The following SNTG1 variants were observed in gnomAD, a reference collection of about 807,000 sequenced individuals.
SNTG1 encodes the protein syntrophin gamma 1, also known as gamma-1-syntrophin.
Under a neutral mutation model 74.7 loss-of-function variants are expected in SNTG1, and 39 were observed. The ratio of observed to expected loss-of-function variants is 0.52; its 90% CI spans 0.40 to 0.68. The LOEUF is 0.68. Ranked by LOEUF, SNTG1 falls within the 30% of genes least tolerant of loss-of-function variation. The pLI is 0.00. For missense variants in SNTG1, 685 were observed against 609.5 expected, an observed-to-expected ratio of 1.12 and a Z score of -1.30; for synonymous variants, 254 against 217.1, an observed-to-expected ratio of 1.17 and a Z score of -1.49.
At chr8:50,042,886 G>A (rs1277596303) in intron 1 of SNTG1, among the ~76,000 whole-genome samples, 1 of 152,130 alleles carries the variant, frequency 6.6e-6, no homozygotes, top group Non-Finnish European at 1.5e-5. Flanking sequence ...CATGAGCTAT[G>A]GCTCGTTGCC....
intron 2 of SNTG1, among the ~76,000 whole-genome samples, chr8:50,254,151 T>C (rs2086772129): frequency 6.6e-6 from 1 of 152,172 alleles, no homozygotes; most frequent in South Asian, 2.1e-4. Context: ...AAATATTACA[T>C]TGTATGCCAT....
At chr8:50,381,543 C>G (rs1403450797) in intron 2 of SNTG1, among the ~76,000 whole-genome samples, 4 of 135,502 alleles carry the variant, frequency 3.0e-5, no homozygotes, top group African/African-American at 5.5e-5. Context: ...TCTAGAGGGA[C>G]AGAACTAATA....
chr8:49,995,492 C>G (rs1486256), intron 1 of SNTG1, among the ~76,000 whole-genome samples: 81,244 of 152,022 alleles, frequency 0.53, 24,574 homozygotes, highest in East Asian at 0.82. Flanking sequence ...CTGGCATCCA[C>G]AAGACAATGG....
At chr8:50,722,819 T>C (rs2095491023) in intron 17 of SNTG1, among the ~76,000 whole-genome samples, 1 of 152,162 alleles carries the variant, frequency 6.6e-6, no homozygotes, top group Admixed American at 6.6e-5. Flanking sequence ...TATTTTAAAA[T>C]TCAAGAAAAA....
chr8:50,303,484 G>T (rs1056364986), intron 2 of SNTG1, among the ~76,000 whole-genome samples: 1 of 151,720 alleles, frequency 6.6e-6, no homozygotes, highest in Admixed American at 6.6e-5. Flanking sequence ...TAAAACTTAT[G>T]ATTAGGCCTC....
intron 2 of SNTG1, among the ~76,000 whole-genome samples, chr8:50,209,788 C>A (rs1175260479): frequency 6.6e-6 from 1 of 152,166 alleles, no homozygotes; most frequent in African/African-American, 2.4e-5. Context: ...AGCAGAGAAG[C>A]TGAAATTCTA....
At chr8:50,433,688 T>A (rs2131541012) in intron 4 of SNTG1, among the ~76,000 whole-genome samples, 1 of 152,314 alleles carries the variant, frequency 6.6e-6, no homozygotes, top group Non-Finnish European at 1.5e-5. Context: ...CTTAGAATAA[T>A]GTTTGAATGA....
At chr8:50,298,545 G>A (rs1161536668) in intron 2 of SNTG1, among the ~76,000 whole-genome samples, 1 of 152,112 alleles carries the variant, frequency 6.6e-6, no homozygotes, top group Non-Finnish European at 1.5e-5. Flanking sequence ...GAAGGCAAGG[G>A]GCTGATGCAC....
In SNTG1 at chr8:50,415,768, A is replaced by T. The variant is rs1024423013; in HGVS notation, c.162+13424A>T. On this transcript the variant is annotated intron_variant, in intron 4 of 18. Transcript: ENST00000642720. ...GAAACGGTAAGATAGCCACCTTTTT[A>T]AAAAAATTAATAATAAATTTATAAG... is the stretch of plus-strand genomic sequence containing the variant. 7.9e-5 allele frequency among the ~76,000 whole-genome samples: 12 copies of T among 152,258 alleles called. 1 individual carries two copies. The South Asian group carries it at 8.3e-4, about 11-fold the overall frequency.
chr8:49,929,406 G>C (rs1426012481), intron 1 of SNTG1, among the ~76,000 whole-genome samples: 1 of 152,238 alleles, frequency 6.6e-6, no homozygotes, highest in Non-Finnish European at 1.5e-5. Flanking sequence ...TGTAGAGCTT[G>C]TGCAGGCCAT....
At chr8:50,483,212 T>G (rs2093755472) in intron 8 of SNTG1, among the ~76,000 whole-genome samples, 2 of 152,342 alleles carry the variant, frequency 1.3e-5, no homozygotes, top group South Asian at 4.1e-4. Flanking sequence ...TCTTAGTGAT[T>G]TTTATAGTTA....
chr8:50,330,751 C>T (rs988428654), intron 2 of SNTG1, among the ~76,000 whole-genome samples: 12 of 152,138 alleles, frequency 7.9e-5, no homozygotes, highest in Non-Finnish European at 8.8e-5. Context: ...GGGAAGGGGG[C>T]ACAGTAAACT....
At chr8:50,388,999 A>G (rs759406277) in intron 2 of SNTG1, among the ~76,000 whole-genome samples, 2 of 152,098 alleles carry the variant, frequency 1.3e-5, no homozygotes, top group Admixed American at 6.5e-5. Flanking sequence ...TGTGGGTCAT[A>G]TAAGAAGTTT....
At chr8:50,786,325 G>T (rs1371659627) in intron 18 of SNTG1, among the ~76,000 whole-genome samples, 1 of 151,876 alleles carries the variant, frequency 6.6e-6, no homozygotes, top group Non-Finnish European at 1.5e-5. Flanking sequence ...TGCAAATATT[G>T]TGTACTGAAA....
At chr8:50,258,625 G>C (rs2086997655) in intron 2 of SNTG1, among the ~76,000 whole-genome samples, 1 of 152,066 alleles carries the variant, frequency 6.6e-6, no homozygotes. Context: ...AGAGTTGAAA[G>C]TAGAATAATT....
chr8:50,522,692 C>T (rs572767990), intron 9 of SNTG1, among the ~76,000 whole-genome samples: 2 of 151,920 alleles, frequency 1.3e-5, no homozygotes, highest in South Asian at 4.1e-4. Context: ...AATTCTCCTG[C>T]CACAACCTCC....
At chr8:49,960,565 A>G (rs1373490377) in intron 1 of SNTG1, among the ~76,000 whole-genome samples, 1 of 152,128 alleles carries the variant, frequency 6.6e-6, no homozygotes, top group Non-Finnish European at 1.5e-5. Flanking sequence ...ATATGTTGAT[A>G]TCTAGGGTGC....
intron 9 of SNTG1, among the ~76,000 whole-genome samples, chr8:50,511,217 T>A (rs548542398): frequency 1.9e-4 from 29 of 152,344 alleles, no homozygotes; most frequent in Middle Eastern, 3.4e-3. Flanking sequence ...TCCATGTAGT[T>A]GAGCGGTTTT....
At chr8:49,990,072 C>A (rs1247055640) in intron 1 of SNTG1, among the ~76,000 whole-genome samples, 2 of 151,626 alleles carry the variant, frequency 1.3e-5, no homozygotes, top group Non-Finnish European at 2.9e-5. Flanking sequence ...CACTTCTATG[C>A]AACATTATTA....
Sources: allele counts gnomAD v4.1 joint callset (sites outside exome capture counted in the v4.1 genomes callset), GRCh38; gene constraint gnomAD v4.1.1; transcripts MANE v1.5; gene names NCBI Gene and HGNC (gene_info 2026-07-23, HGNC 2026-07-21).